RGS7: variants seen among roughly 807,000 people sequenced by gnomAD.
RGS7 encodes the protein regulator of G protein signaling 7.
RGS7 carries 27 observed loss-of-function variants against 81.1 expected under a neutral mutation model. That is an observed-to-expected ratio of 0.33 (90% CI 0.25 to 0.46). The LOEUF is 0.46. Ranked by LOEUF, RGS7 falls within the 20% of genes least tolerant of loss-of-function variation. The pLI is 1.00. For synonymous variants in RGS7, 208 were observed against 207.7 expected (o/e 1.00, Z -0.01); for missense variants, 396 against 607.4 (o/e 0.65, Z 3.66).
At chr1:241,221,044 A>G (rs879859479) in intron 2 of RGS7, among the ~76,000 whole-genome samples, 5,313 of 88,060 alleles carry the variant, frequency 0.06, 384 homozygotes, top group East Asian at 0.42. Flanking sequence ...GAAGGAAAAG[A>G]AAGAAAGAAA....
Position 241,275,934 on chromosome 1 carries a change from T to G in RGS7, c.78+79765A>C, listed in dbSNP as rs7519335. ...ACCTAACAATAATTCTGATGAAGAC[T>G]CAGTCATTTATTTGGAGCTTCTAAT... On this transcript the variant is annotated intron_variant, in intron 2 of 18. Coordinates refer to ENST00000440928, the MANE Select transcript of RGS7 (RefSeq NM_001364886.1). Among the ~76,000 whole-genome samples, 559 of 152,362 alleles carry G rather than the reference T, an allele frequency of 3.7e-3. 2 individuals carry two copies. The highest frequency in any genetic ancestry group is 0.013 in the African/African-American group (528 of 41,580).
At chr1:241,039,225 C>T (rs11590400) in intron 3 of RGS7, among the ~76,000 whole-genome samples, 27,871 of 152,184 alleles carry the variant, frequency 0.18, 2,888 homozygotes, top group Non-Finnish European at 0.23. Flanking sequence ...CCATTCTTCA[C>T]TTTTCCTAAT....
In RGS7 at chr1:241,259,383, A is replaced by T. The variant is rs555786681; in HGVS notation, c.78+96316T>A. Among the ~76,000 whole-genome samples, 10 of 152,028 alleles carry T rather than the reference A, an allele frequency of 6.6e-5. 1 individual carries two copies. In the South Asian group the frequency reaches 2.1e-3, roughly 32 times the overall value. On this transcript the variant is annotated intron_variant, in intron 2 of 18. Transcript: ENST00000440928. ...AAATTATGTATTACTGGCCAGGCGC[A>T]GTGGCTCACACCTGTAATCCCAGCA... is the stretch of plus-strand genomic sequence containing the variant.
At chr1:241,193,656 T>C (rs981240190) in intron 2 of RGS7, among the ~76,000 whole-genome samples, 1 of 152,150 alleles carries the variant, frequency 6.6e-6, no homozygotes, top group Admixed American at 6.5e-5. Context: ...CTTATACAAT[T>C]TGAGAAGATT....
At chr1:240,869,511 T>TA (rs1327371335) in intron 7 of RGS7, among the ~76,000 whole-genome samples, 2 of 152,256 alleles carry the variant, frequency 1.3e-5, no homozygotes, top group Non-Finnish European at 2.9e-5. Context: ...GAAAATAAGA[T>TA]ATGCTTCCCT....
At chr1:240,845,797 A>G (rs1419064046) in intron 9 of RGS7, among the ~76,000 whole-genome samples, 1 of 152,214 alleles carries the variant, frequency 6.6e-6, no homozygotes, top group Non-Finnish European at 1.5e-5. Context: ...TCCAGGTGGC[A>G]TGCATTTAAC....
chr1:241,076,723 A>G (rs1054094271), intron 3 of RGS7, among the ~76,000 whole-genome samples: 3 of 152,160 alleles, frequency 2.0e-5, no homozygotes, highest in Admixed American at 6.5e-5. Context: ...GGTGCACCCA[A>G]TGGCCAATTG....
At chr1:241,156,169 G>GATACATACATACATACATAC (rs1345706149) in intron 2 of RGS7, among the ~76,000 whole-genome samples, 2 of 142,752 alleles carry the variant, frequency 1.4e-5, no homozygotes, top group African/African-American at 5.0e-5. Flanking sequence ...TAGATAGATA[G>GATACATACATACATACATAC]ATACATATAC....
chr1:241,268,242 A>G (rs1410526988), intron 2 of RGS7, among the ~76,000 whole-genome samples: 1 of 152,204 alleles, frequency 6.6e-6, no homozygotes, highest in African/African-American at 2.4e-5. Flanking sequence ...TGAGGCTTCC[A>G]TAATTCAGTG....
chr1:241,142,712 C>G (rs1323332214), intron 2 of RGS7, among the ~76,000 whole-genome samples: 3 of 152,210 alleles, frequency 2.0e-5, no homozygotes, highest in African/African-American at 7.2e-5. Context: ...AGACCTCAGA[C>G]ATGCCCTGGA....
At chr1:240,843,837 CTTTT>C (rs1362884371) in intron 9 of RGS7, among the ~76,000 whole-genome samples, 1 of 152,026 alleles carries the variant, frequency 6.6e-6, no homozygotes, top group Non-Finnish European at 1.5e-5. Flanking sequence ...GACAGCCTAT[CTTTT>C]CTTTCTTTCT....
At chr1:240,934,251 C>T (rs962571220) in intron 5 of RGS7, among the ~76,000 whole-genome samples, 9 of 152,184 alleles carry the variant, frequency 5.9e-5, no homozygotes, top group Non-Finnish European at 1.0e-4. Flanking sequence ...TGAGCCACTG[C>T]GCCCAGCCTA....
At chr1:240,976,917 T>C (rs1558548222) in intron 4 of RGS7, among the ~76,000 whole-genome samples, 1 of 151,496 alleles carries the variant, frequency 6.6e-6, no homozygotes, top group African/African-American at 2.4e-5. Flanking sequence ...ATTATCTTTC[T>C]ATCATCCATC....
intron 3 of RGS7, among the ~76,000 whole-genome samples, chr1:241,002,471 G>A (rs1688297099): frequency 6.7e-6 from 1 of 148,526 alleles, no homozygotes; most frequent in South Asian, 2.1e-4. Context: ...AAAAAAAAAT[G>A]GTACCACACT....
intron 2 of RGS7, among the ~76,000 whole-genome samples, chr1:241,216,541 CT>C (rs1403441007): frequency 1.1e-4 from 16 of 152,130 alleles, no homozygotes; most frequent in African/African-American, 3.4e-4. Context: ...AAGGCCCACT[CT>C]TCTAAGAAAA....
chr1:241,003,236 C>A (rs187938872), intron 3 of RGS7, among the ~76,000 whole-genome samples: 3 of 151,766 alleles, frequency 2.0e-5, no homozygotes, highest in African/African-American at 7.3e-5. Context: ...CCAAGGCAGG[C>A]GGATCATGAG....
At chr1:241,221,856 A>T (rs2075034724) in intron 2 of RGS7, among the ~76,000 whole-genome samples, 1 of 152,176 alleles carries the variant, frequency 6.6e-6, no homozygotes, top group South Asian at 2.1e-4. Context: ...CCATAAACAT[A>T]AGCCAATTCC....
intron 2 of RGS7, among the ~76,000 whole-genome samples, chr1:241,238,954 T>C (rs1573295182): frequency 7.9e-6 from 1 of 126,360 alleles, no homozygotes; most frequent in East Asian, 2.3e-4. Flanking sequence ...CAAATAGCTA[T>C]TGCCTCTCTC....
intron 2 of RGS7, among the ~76,000 whole-genome samples, chr1:241,170,385 C>A (rs113450446): frequency 6.6e-6 from 1 of 151,928 alleles, no homozygotes; most frequent in African/African-American, 2.4e-5. Context: ...CATGAATCAA[C>A]CTTGAGTTTT....
Sources: allele counts gnomAD v4.1 joint callset (sites outside exome capture counted in the v4.1 genomes callset), GRCh38; gene constraint gnomAD v4.1.1; transcripts MANE v1.5; gene names NCBI Gene and HGNC (gene_info 2026-07-23, HGNC 2026-07-21).